Variants in DLGAP5 observed in about 807,000 individuals in gnomAD.
DLGAP5 encodes the protein DLG associated protein 5.
A neutral mutation model predicts 99.6 loss-of-function variants in DLGAP5; 90 were observed. The ratio of observed to expected loss-of-function variants is 0.90; its 90% CI spans 0.76 to 1.08. The LOEUF (loss-of-function observed/expected upper bound fraction) is 1.08, where lower values mean the gene tolerates loss of function less well. DLGAP5 is among the 50% of genes least tolerant of loss of function. The pLI is 0.00. For missense variants in DLGAP5, 1,036 were observed against 983.5 expected, an observed-to-expected ratio of 1.05 and a Z score of -0.71; for synonymous variants, 311 against 321.3, an observed-to-expected ratio of 0.97 and a Z score of 0.34.
At chr14:55,165,690 A>G (rs1882616918) in intron 12 of DLGAP5, among the ~76,000 whole-genome samples, 2 of 152,162 alleles carry the variant, frequency 1.3e-5, no homozygotes, top group Non-Finnish European at 2.9e-5. Context: ...GTTTTTTCCT[A>G]TTCATACATA....
chr14:55,153,599 C>A (rs1043572397), intron 15 of DLGAP5, among the ~76,000 whole-genome samples: 1 of 151,774 alleles, frequency 6.6e-6, no homozygotes, highest in African/African-American at 2.4e-5. Context: ...AAAAGATATG[C>A]TCTATTTTTC....
chr14:55,189,508 G>A (rs1215782828), intron 1 of DLGAP5, among the ~76,000 whole-genome samples: 3 of 151,832 alleles, frequency 2.0e-5, no homozygotes, highest in South Asian at 2.1e-4. Context: ...GTTAAGTGAA[G>A]GACCATGTAC....
rs771359780 is a variant in DLGAP5, at chr14:55,148,430, C to T, written c.2462G>A (p.Arg821Lys). 1.4e-5 allele frequency: 22 copies of T among 1,614,180 alleles called. No individual in the cohort carries two copies. In the South Asian group the frequency reaches 2.2e-4, roughly 16 times the overall value. Reference protein sequence around the residue: ...CSNPFTQLERRHQEHARHISF... With the variant: ...CSNPFTQLERKHQEHARHISF... Reference sequence around the variant, plus strand: ...AATGTGTCTGGCATGTTCTTGATGTCTCCTCTCCAGCTGAGTAAATGGATT... The same window carrying T: ...AATGTGTCTGGCATGTTCTTGATGTTTCCTCTCCAGCTGAGTAAATGGATT... Residue 821 changes from arginine to lysine, a missense_variant, in exon 19 of 19, where the codon AGA becomes AAA. Physicochemically the swap from Arg to Lys is conservative, Grantham distance 26 (BLOSUM62 2). Transcript: ENST00000247191.
intron 2 of DLGAP5, among the ~76,000 whole-genome samples, chr14:55,188,617 A>C (rs1451893369): frequency 1.3e-5 from 2 of 152,114 alleles, no homozygotes; most frequent in Non-Finnish European, 2.9e-5. Flanking sequence ...GTTGTAGATA[A>C]CAGGTTATTA....
At chr14:55,177,507 C>G (rs945279539) in intron 7 of DLGAP5, among the ~76,000 whole-genome samples, 171 bp from the exon 8 acceptor site, 1 of 151,072 alleles carries the variant, frequency 6.6e-6, no homozygotes, top group Non-Finnish European at 1.5e-5. Context: ...AGACCAGTTA[C>G]GCTAAATCCA....
intron 7 of DLGAP5, 102 bp downstream of exon 7, chr14:55,179,527 G>C: frequency 1.1e-6 from 1 of 946,132 alleles, no homozygotes; most frequent in Admixed American, 2.6e-5. Context: ...CACACATGTA[G>C]GTTAACCTTT....
At chr14:55,172,981 C>CAAAAAAAAAAAAAA in intron 10 of DLGAP5, among the ~76,000 whole-genome samples, 1 of 62,094 alleles carries the variant, frequency 1.6e-5, no homozygotes, top group Non-Finnish European at 3.0e-5. Context: ...GACTCCGTCT[C>CAAAAAAAAAAAAAA]AAAAAAAAAA....
chr14:55,191,524 C>A lies in DLGAP5; in HGVS notation c.-63G>T, dbSNP rs1471354360. On this transcript the variant is annotated 5_prime_UTR_variant, in exon 1 of 19. Coordinates refer to ENST00000247191, the MANE Select transcript of DLGAP5 (RefSeq NM_014750.5). ...AAAAGTAAAGAACACTCGGTCTGGA[C>A]GACCACCGCCGACTCCGAAGCAGGA... 1 of 152,830 alleles carries A rather than the reference C, an allele frequency of 6.5e-6. No individual in the cohort carries two copies. The allele number at this position is 152,830 out of a possible 1,614,324, so 9.5% of individuals were successfully genotyped here.
intron 10 of DLGAP5, among the ~76,000 whole-genome samples, chr14:55,172,206 A>G (rs566076925): frequency 2.4e-4 from 36 of 151,562 alleles, no homozygotes; most frequent in Non-Finnish European, 4.3e-4. Flanking sequence ...ATTTAGGGCC[A>G]GACTCAGTGG....
chr14:55,170,865 C>T, intron 10 of DLGAP5, 78 bp from the exon 11 acceptor site: 1 of 1,008,854 alleles, frequency 9.9e-7, no homozygotes, highest in Non-Finnish European at 1.6e-6. Context: ...CATCATGATA[C>T]ATAACATTAG....
intron 13 of DLGAP5, among the ~76,000 whole-genome samples, chr14:55,161,047 G>C (rs1016303348): frequency 2.6e-5 from 4 of 151,938 alleles, no homozygotes; most frequent in Non-Finnish European, 4.4e-5. Flanking sequence ...AGGGAGGAAA[G>C]GAAAACAAGA....
At chr14:55,170,301 T>C (rs1332153571) in intron 11 of DLGAP5, among the ~76,000 whole-genome samples, 2 of 150,770 alleles carry the variant, frequency 1.3e-5, no homozygotes, top group Admixed American at 1.3e-4. Flanking sequence ...TTTTCCATAT[T>C]GATTTAGGTA....
intron 13 of DLGAP5, among the ~76,000 whole-genome samples, chr14:55,161,618 C>G (rs1882439303): frequency 6.6e-6 from 1 of 151,094 alleles, no homozygotes. Context: ...CCACGATGGT[C>G]AGGCTGGTCT....
At chr14:55,150,887 T>C (rs1371330973) in intron 17 of DLGAP5, 39 bp from the exon 18 acceptor site, 1 of 1,393,276 alleles carries the variant, frequency 7.2e-7, no homozygotes, top group Non-Finnish European at 9.9e-7. Flanking sequence ...AAGAATATTC[T>C]CACATTCGAG....
chr14:55,153,568 T>A (rs1191937972), intron 15 of DLGAP5, among the ~76,000 whole-genome samples: 1 of 151,872 alleles, frequency 6.6e-6, no homozygotes, highest in Non-Finnish European at 1.5e-5. Flanking sequence ...TTATCTCCAC[T>A]TCTTTCAAGT....
In DLGAP5 at chr14:55,148,442, T is replaced by C. The variant is rs969973842; in HGVS notation, c.2450A>G (p.Gln817Arg). The change falls in exon 19 of 19, where the codon CAG becomes CGG. Residue 817 changes from glutamine to arginine, a missense_variant. Gln to Arg is a conservative substitution (Grantham distance 43). Coordinates refer to ENST00000247191, the MANE Select transcript of DLGAP5 (RefSeq NM_014750.5). ...ATGTTCTTGATGTCTCCTCTCCAGC[T>C]GAGTAAATGGATTACTGCAGTTTAG... ...PGLNCSNPFT[Q>R]LERRHQEHAR... is the part of the protein sequence containing the mutation. 3 of 1,614,186 alleles carry C rather than the reference T, an allele frequency of 1.9e-6. No homozygotes were observed. The highest frequency in any genetic ancestry group is 1.7e-5 in the Admixed American group (1 of 60,028).
At chr14:55,176,961 G>C (rs1434393921) in intron 8 of DLGAP5, 101 bp downstream of exon 8, 7 of 1,012,962 alleles carry the variant, frequency 6.9e-6, no homozygotes, top group African/African-American at 2.4e-5. Flanking sequence ...CTGGGCGACA[G>C]AGCGAACTCC....
At chr14:55,164,227 T>C (rs1361238393) in intron 12 of DLGAP5, among the ~76,000 whole-genome samples, 2 of 152,050 alleles carry the variant, frequency 1.3e-5, no homozygotes, top group African/African-American at 4.8e-5. Flanking sequence ...TCCAAGCTAC[T>C]TGGTAGGCTG....
chr14:55,169,496 T>C lies in DLGAP5; in HGVS notation c.1451A>G (p.Gln484Arg). Reference protein sequence around the residue: ...TRLLMKERFKQFEGLVDDCEY... With the variant: ...TRLLMKERFKRFEGLVDDCEY... ...ACAATCATCAACCAGTCCTTCAAACTGTTTAAACCTTTCCTTCATAAGGAG... is the reference window on the plus strand; with the variant it reads ...ACAATCATCAACCAGTCCTTCAAACCGTTTAAACCTTTCCTTCATAAGGAG... The change falls in exon 12 of 19, where the codon CAG becomes CGG. Residue 484 changes from glutamine to arginine, a missense_variant. Transcript: ENST00000247191. 1.2e-6 allele frequency: 2 copies of C among 1,613,100 alleles called. No individual in the cohort carries two copies. Among genetic ancestry groups the C allele is most frequent in the African/African-American group, 1.3e-5 (1 of 75,016 alleles).
Sources: allele counts gnomAD v4.1 joint callset (sites outside exome capture counted in the v4.1 genomes callset), GRCh38; gene constraint gnomAD v4.1.1; transcripts MANE v1.5; gene names NCBI Gene and HGNC (gene_info 2026-07-23, HGNC 2026-07-21).